The following SLC49A4 variants were observed in gnomAD, a reference collection of about 807,000 sequenced individuals.
SLC49A4 encodes disrupted in renal cancer protein 2.
Under a neutral mutation model 50.6 loss-of-function variants are expected in SLC49A4, and 36 were observed. The ratio of observed to expected loss-of-function variants is 0.71; its 90% CI spans 0.55 to 0.94. The LOEUF (loss-of-function observed/expected upper bound fraction) is 0.94. Among genes scored for constraint, SLC49A4 ranks in the 40% least tolerant of loss-of-function variants. SLC49A4 has a pLI of 0.00. For missense variants in SLC49A4, 503 were observed against 605.7 expected, an observed-to-expected ratio of 0.83 and a Z score of 1.78; for synonymous variants, 248 against 241.2, an observed-to-expected ratio of 1.03 and a Z score of -0.26.
chr3:122,843,997 G>A (rs887291177), intron 4 of SLC49A4, among the ~76,000 whole-genome samples: 28 of 152,116 alleles, frequency 1.8e-4, no homozygotes, highest in African/African-American at 6.5e-4. Context: ...TACCCAGATT[G>A]CCTCCAATTT....
In SLC49A4 at chr3:122,806,951, G is replaced by C; in HGVS notation, c.437+1G>C. ...TATCAGACTTAATCCTTAAAAGAAG[G>C]TAAATCCTGTAAATAACATTTCTCC... On this transcript the variant is annotated splice_donor_variant, in intron 2 of 8. Transcript: ENST00000261038. LOFTEE classifies it high-confidence loss of function. The C allele has an allele frequency of 6.6e-7, 1 of 1,510,560 alleles. No homozygotes were observed. The highest frequency in any genetic ancestry group is 9.1e-7 in the Non-Finnish European group (1 of 1,094,016). 93.6% of individuals were successfully genotyped at this position (1,510,560 alleles called of 1,614,324 possible).
At chr3:122,869,429 A>G (rs1937166583) in intron 7 of SLC49A4, among the ~76,000 whole-genome samples, 1 of 152,186 alleles carries the variant, frequency 6.6e-6, no homozygotes, top group Non-Finnish European at 1.5e-5. Flanking sequence ...TTAATTGTAT[A>G]ATATTTCTTT....
chr3:122,866,205 T>G (rs1289452012), intron 7 of SLC49A4, among the ~76,000 whole-genome samples: 1 of 65,052 alleles, frequency 1.5e-5, no homozygotes, highest in Admixed American at 1.7e-4. Flanking sequence ...ACTTTCGTTG[T>G]TTTTTTTTTT....
chr3:122,875,913 C>T (rs758860021), intron 8 of SLC49A4, among the ~76,000 whole-genome samples: 1 of 152,206 alleles, frequency 6.6e-6, no homozygotes, highest in Non-Finnish European at 1.5e-5. Flanking sequence ...GTGGTTCAGG[C>T]TCCTATACCA....
chr3:122,845,986 C>A, intron 5 of SLC49A4, 115 bp downstream of exon 5: 1 of 552,204 alleles, frequency 1.8e-6, no homozygotes, highest in East Asian at 3.4e-5. Flanking sequence ...CGTCCTATAC[C>A]ATTGTTGCAA....
chr3:122,877,398 G>A (rs998499265), intron 8 of SLC49A4, among the ~76,000 whole-genome samples: 1 of 152,166 alleles, frequency 6.6e-6, no homozygotes, highest in African/African-American at 2.4e-5. Context: ...GCGCTAAAGA[G>A]CAATTATGAG....
intron 3 of SLC49A4, among the ~76,000 whole-genome samples, chr3:122,831,370 C>CT (rs1936606401): frequency 6.6e-6 from 1 of 152,060 alleles, no homozygotes. Context: ...ACCCAGATGT[C>CT]TATCTACTGA....
intron 6 of SLC49A4, among the ~76,000 whole-genome samples, chr3:122,859,207 T>G (rs1163530505): frequency 6.6e-6 from 1 of 152,094 alleles, no homozygotes; most frequent in Non-Finnish European, 1.5e-5. Context: ...GAGTAAGACG[T>G]GAAGATCCGG....
chr3:122,807,062 A>G (rs987021959), intron 2 of SLC49A4, 112 bp downstream of exon 2: 50 of 577,396 alleles, frequency 8.7e-5, no homozygotes, highest in Non-Finnish European at 1.2e-4. Context: ...TTTTTACTCT[A>G]TATGATGATT....
intron 3 of SLC49A4, among the ~76,000 whole-genome samples, chr3:122,828,637 G>T (rs537651560): frequency 1.2e-4 from 19 of 152,298 alleles, no homozygotes; most frequent in African/African-American, 4.6e-4. Context: ...CTGAAGAACT[G>T]TATGTCAGAG....
intron 1 of SLC49A4, among the ~76,000 whole-genome samples, chr3:122,797,847 G>A (rs1387468593): frequency 6.6e-6 from 1 of 152,060 alleles, no homozygotes; most frequent in Admixed American, 6.5e-5. Context: ...CAGACATGTT[G>A]GCATGCGCCT....
intron 5 of SLC49A4, among the ~76,000 whole-genome samples, chr3:122,848,002 A>G (rs1936879091): frequency 6.6e-6 from 1 of 152,236 alleles, no homozygotes; most frequent in Admixed American, 6.5e-5. Context: ...CCTTAGTTGC[A>G]GTAGCACTTT....
At chr3:122,861,019 C>A (rs559623394) in intron 7 of SLC49A4, among the ~76,000 whole-genome samples, 1 of 152,180 alleles carries the variant, frequency 6.6e-6, no homozygotes, top group Admixed American at 6.5e-5. Flanking sequence ...GTCCTTTTCA[C>A]GTTGCATTAT....
At chr3:122,857,608 A>G (rs1004020002) in intron 6 of SLC49A4, among the ~76,000 whole-genome samples, 1 of 152,202 alleles carries the variant, frequency 6.6e-6, no homozygotes, top group Non-Finnish European at 1.5e-5. Flanking sequence ...TGACACTGTA[A>G]TTTCTAAATC....
intron 5 of SLC49A4, among the ~76,000 whole-genome samples, chr3:122,853,949 G>C (rs1027672007): frequency 6.6e-6 from 1 of 152,120 alleles, no homozygotes; most frequent in Admixed American, 6.5e-5. Flanking sequence ...ATTAAGTATT[G>C]GGTAGAATTG....
At chr3:122,824,730 C>CT (rs71621693) in intron 2 of SLC49A4, among the ~76,000 whole-genome samples, 7,777 of 82,918 alleles carry the variant, frequency 0.094, 604 homozygotes, top group African/African-American at 0.18. Flanking sequence ...TTTTTTCCTT[C>CT]TTTTTTTTTT....
At chr3:122,867,931 C>T (rs916996300) in intron 7 of SLC49A4, among the ~76,000 whole-genome samples, 3 of 151,344 alleles carry the variant, frequency 2.0e-5, no homozygotes, top group Admixed American at 1.3e-4. Flanking sequence ...CTGGCTAACA[C>T]GGTGAAACCC....
At chr3:122,806,380 C>G (rs1161941420) in intron 1 of SLC49A4, among the ~76,000 whole-genome samples, 2 of 151,244 alleles carry the variant, frequency 1.3e-5, no homozygotes, top group Non-Finnish European at 2.9e-5. Context: ...ATCTTATTTT[C>G]TTTTTTCTTT....
At chr3:122,818,147 A>G (rs553799192) in intron 2 of SLC49A4, among the ~76,000 whole-genome samples, 1 of 152,316 alleles carries the variant, frequency 6.6e-6, no homozygotes, top group African/African-American at 2.4e-5. Flanking sequence ...CAACTATCCA[A>G]CATTAGGAAA....
Sources: allele counts gnomAD v4.1 joint callset (sites outside exome capture counted in the v4.1 genomes callset), GRCh38; gene constraint gnomAD v4.1.1; transcripts MANE v1.5; gene names NCBI Gene and HGNC (gene_info 2026-07-23, HGNC 2026-07-21).